Variants in CRYBG1 observed in about 807,000 individuals in gnomAD.
CRYBG1 encodes beta/gamma crystallin domain-containing protein 1.
A neutral mutation model predicts 189.2 loss-of-function variants in CRYBG1; 139 were observed. The observed-to-expected ratio is 0.73, with a 90% CI of 0.64 to 0.85. CRYBG1 has a LOEUF of 0.85. Among genes scored for constraint, CRYBG1 ranks in the 40% least tolerant of loss-of-function variants. The pLI is 0.00. For missense variants in CRYBG1, 2,611 were observed against 2,675.8 expected (o/e 0.98, Z 0.53); for synonymous variants, 1,023 against 1,017.1 (o/e 1.01, Z -0.11).
At chr6:106,362,423 A>C (rs971813827) in intron 1 of CRYBG1, among the ~76,000 whole-genome samples, 1 of 152,222 alleles carries the variant, frequency 6.6e-6, no homozygotes, top group South Asian at 2.1e-4. Context: ...TCTTGTGGAT[A>C]CCAAAAAATG....
In CRYBG1 at chr6:106,538,812, C is replaced by T. The variant is rs140548036; in HGVS notation, c.4719-591C>T. On this transcript the variant is annotated intron_variant, in intron 8 of 21. Transcript: ENST00000633556. ...TTGGAAGGCTGAGGCAGTAGAATCA[C>T]TTGAACCAGGAGGCAGAGGTTGCAG... Among the ~76,000 whole-genome samples the T allele has an allele frequency of 1.2e-3, 183 of 151,654 alleles. 1 individual carries two copies. The highest frequency in any genetic ancestry group is 4.1e-3 in the African/African-American group (170 of 41,308).
intron 1 of CRYBG1, among the ~76,000 whole-genome samples, chr6:106,392,363 T>C (rs1770523777): frequency 6.6e-6 from 1 of 152,216 alleles, no homozygotes; most frequent in Non-Finnish European, 1.5e-5. Flanking sequence ...TCATCTATTA[T>C]CTCTTCAGTG....
At chr6:106,409,723 A>G (rs535551806) in intron 1 of CRYBG1, among the ~76,000 whole-genome samples, 17 of 152,272 alleles carry the variant, frequency 1.1e-4, no homozygotes, top group African/African-American at 4.1e-4. Flanking sequence ...AACACCTCAC[A>G]TCTATAACCA....
At chr6:106,370,236 A>G (rs1252288930) in intron 1 of CRYBG1, among the ~76,000 whole-genome samples, 1 of 148,006 alleles carries the variant, frequency 6.8e-6, no homozygotes, top group African/African-American at 2.5e-5. Context: ...GTAGATTCTG[A>G]GTTTGGGGCT....
Position 106,571,683 on chromosome 6 carries a change from C to A in CRYBG1, c.*3117C>A. 2 of 265,282 alleles carry A rather than the reference C, an allele frequency of 7.5e-6. No individual in the cohort carries two copies. Among genetic ancestry groups the A allele is most frequent in the Non-Finnish European group, 1.5e-5 (2 of 135,486 alleles). 16.4% of individuals were successfully genotyped at this position (265,282 alleles called of 1,614,324 possible). A position where few individuals can be genotyped will look rare whatever the true frequency, so the allele number is the denominator to read the frequency against. On this transcript the variant is annotated 3_prime_UTR_variant, in exon 22 of 22. Transcript: ENST00000633556. ...TCCAGCCTGGGTGACACAGCGAGAC[C>A]CTGTCTCTAAAACAAAAAAGACAAT...
intron 1 of CRYBG1, among the ~76,000 whole-genome samples, chr6:106,435,447 G>A (rs1465597199): frequency 6.6e-6 from 1 of 152,090 alleles, no homozygotes; most frequent in East Asian, 1.9e-4. Flanking sequence ...TTACACACAT[G>A]AGTCACTGTC....
chr6:106,419,911 T>C (rs747835224), intron 1 of CRYBG1, among the ~76,000 whole-genome samples: 2 of 152,218 alleles, frequency 1.3e-5, no homozygotes, highest in African/African-American at 2.4e-5. Flanking sequence ...CCAGATGATA[T>C]TGATTTCAAA....
In CRYBG1 at chr6:106,558,493, C is replaced by T; in HGVS notation, c.5723C>T (p.Ser1908Phe). ...KSLRFIDVEF[S>F]EPTIILFERE... ...GTTTTTGTTCCTCAACAGGAATTTT[C>T]TGAACCAACAATTATTCTCTTTGAA... Residue 1908 changes from serine (S) to phenylalanine (F), a missense_variant, in exon 18 of 22, where the codon TCT becomes TTT. Physicochemically the swap from Ser to Phe is radical, Grantham distance 155. Coordinates refer to ENST00000633556, the MANE Select transcript of CRYBG1 (RefSeq NM_001371242.2). The T allele has an allele frequency of 6.3e-7, 1 of 1,591,616 alleles. No homozygotes were observed.
At chr6:106,517,441 T>C (rs1420858275) in intron 3 of CRYBG1, among the ~76,000 whole-genome samples, 2 of 145,280 alleles carry the variant, frequency 1.4e-5, no homozygotes, top group Non-Finnish European at 3.0e-5. Context: ...CACACACACA[T>C]ATATATACAC....
intron 2 of CRYBG1, among the ~76,000 whole-genome samples, chr6:106,462,898 A>C (rs1408064469): frequency 6.6e-6 from 1 of 152,218 alleles, no homozygotes; most frequent in East Asian, 1.9e-4. Flanking sequence ...TCACACCTGT[A>C]ATCCCAGCAG....
intron 17 of CRYBG1, among the ~76,000 whole-genome samples, chr6:106,558,229 TC>T (rs1214520632): frequency 2.3e-4 from 7 of 30,718 alleles, no homozygotes; most frequent in South Asian, 3.6e-3. Flanking sequence ...TACCCATTTC[TC>T]TTTTTTTTTT....
In CRYBG1 at chr6:106,543,448, T is replaced by G; in HGVS notation, c.4890T>G (p.Val1630=). The part of the protein sequence containing the change: ...VEFPTDPKVV[V]YEKPFFEGKC... ...TCTCATTTCTATTGTAGGTAGTTGT[T>G]TATGAAAAGCCTTTCTTTGAAGGAA... The change falls in exon 11 of 22, where the codon GTT becomes GTG. Residue 1630 remains valine, a synonymous_variant. Coordinates refer to ENST00000633556, the MANE Select transcript of CRYBG1 (RefSeq NM_001371242.2). The G allele has an allele frequency of 1.2e-6, 2 of 1,613,108 alleles. No individual in the cohort carries two copies. The highest frequency in any genetic ancestry group is 1.7e-6 in the Non-Finnish European group (2 of 1,179,178).
intron 13 of CRYBG1, among the ~76,000 whole-genome samples, chr6:106,548,789 A>T (rs1429096063): frequency 6.6e-6 from 1 of 151,742 alleles, no homozygotes; most frequent in Admixed American, 6.6e-5. Flanking sequence ...CATGTGCACA[A>T]CGTGCAGGTT....
At position 106,525,934 on chromosome 6, in the gene CRYBG1, A is replaced by G. The variant is rs528382517; in HGVS notation, c.4412+548A>G. ...AACTTAAAATTTAATTTACTTTCCA[A>G]TATTTCCACAAAAGATTGTTTTGGC... On this transcript the variant is annotated intron_variant, in intron 6 of 21. Coordinates refer to ENST00000633556, the MANE Select transcript of CRYBG1 (RefSeq NM_001371242.2). Among the ~76,000 whole-genome samples the G allele has an allele frequency of 4.6e-5, 7 of 152,350 alleles. No individual in the cohort carries two copies. In the South Asian group the frequency reaches 6.2e-4, roughly 14 times the overall value.
chr6:106,392,250 C>T (rs1168827128), intron 1 of CRYBG1, among the ~76,000 whole-genome samples: 1 of 152,074 alleles, frequency 6.6e-6, no homozygotes, highest in Non-Finnish European at 1.5e-5. Context: ...CTTTGCTCCC[C>T]AAGCCTGCTT....
rs374971334 is a variant in CRYBG1, at chr6:106,375,615, G to A, written c.173+14534G>A. Among the ~76,000 whole-genome samples, 10 of 152,242 alleles carry A rather than the reference G, an allele frequency of 6.6e-5. No individual in the cohort carries two copies. In the East Asian group the frequency reaches 9.6e-4, roughly 15 times the overall value. On this transcript the variant is annotated intron_variant, in intron 1 of 21. Coordinates refer to ENST00000633556, the MANE Select transcript of CRYBG1 (RefSeq NM_001371242.2). ...TTCCTTAAAGAGGCTCAGTTGGTTAGCATCACTTGTTAAATGTCCTGTCCA... is the reference window on the plus strand; with the variant it reads ...TTCCTTAAAGAGGCTCAGTTGGTTAACATCACTTGTTAAATGTCCTGTCCA...
At chr6:106,521,709 A>G (rs1773615700) in intron 4 of CRYBG1, among the ~76,000 whole-genome samples, 1 of 82,248 alleles carries the variant, frequency 1.2e-5, no homozygotes, top group East Asian at 3.2e-4. Flanking sequence ...AAGGCACATG[A>G]TCTTTTTTTT....
intron 1 of CRYBG1, among the ~76,000 whole-genome samples, chr6:106,362,155 G>T (rs1771889584): frequency 6.7e-6 from 1 of 150,272 alleles, no homozygotes; most frequent in South Asian, 2.1e-4. Context: ...ATTTTTAGTA[G>T]AAACGGGGTT....
chr6:106,508,613 A>G (rs1042825400), intron 2 of CRYBG1, among the ~76,000 whole-genome samples: 5 of 152,222 alleles, frequency 3.3e-5, no homozygotes, highest in African/African-American at 4.8e-5. Flanking sequence ...CTGCAAAAGC[A>G]TTTAGCATCC....
Sources: gnomAD v4.1 joint callset for allele counts (sites outside exome capture counted in the v4.1 genomes callset) on GRCh38, gnomAD v4.1.1 for gene constraint, MANE v1.5 for transcripts, NCBI Gene and HGNC (gene_info 2026-07-23, HGNC 2026-07-21) for gene names.